PTGER3: variants seen among roughly 807,000 people sequenced by gnomAD.
PTGER3 encodes prostaglandin E receptor 3.
A neutral mutation model predicts 34.7 loss-of-function variants in PTGER3; 22 were observed. That is an observed-to-expected ratio of 0.63 (90% CI 0.45 to 0.91). The LOEUF (loss-of-function observed/expected upper bound fraction) is 0.91. PTGER3 is among the 40% of genes least tolerant of loss of function. The pLI is 0.00. For missense variants in PTGER3, 468 were observed against 519.4 expected (o/e 0.90, Z 0.96); for synonymous variants, 241 against 230.1 (o/e 1.05, Z -0.43).
At chr1:70,892,916 A>G (rs1646649394) in intron 4 of PTGER3, among the ~76,000 whole-genome samples, 1 of 152,096 alleles carries the variant, frequency 6.6e-6, no homozygotes, top group African/African-American at 2.4e-5. Flanking sequence ...TAGCACGTAA[A>G]ATAATACTGC....
intron 2 of PTGER3, among the ~76,000 whole-genome samples, chr1:70,986,648 T>C (rs1654943878): frequency 6.6e-6 from 1 of 152,048 alleles, no homozygotes; most frequent in Non-Finnish European, 1.5e-5. Context: ...ATTCTGGGGA[T>C]TTCAGGGAGG....
At chr1:70,868,012 T>C (rs1013411070) in intron 4 of PTGER3, among the ~76,000 whole-genome samples, 4 of 152,150 alleles carry the variant, frequency 2.6e-5, no homozygotes, top group Non-Finnish European at 5.9e-5. Flanking sequence ...TTAATTTTAT[T>C]TGCTGTTTTG....
intron 4 of PTGER3, among the ~76,000 whole-genome samples, chr1:70,901,888 G>A (rs942976): frequency 0.92 from 140,014 of 152,222 alleles, 64,539 homozygotes; most frequent in East Asian, 1. Flanking sequence ...AGAAAAACCA[G>A]TTTATTAAAC....
chr1:70,915,679 AAAGCT>A (rs1647159472), intron 4 of PTGER3, among the ~76,000 whole-genome samples: 1 of 152,006 alleles, frequency 6.6e-6, no homozygotes, highest in South Asian at 2.1e-4. Context: ...ACCAAAATTT[AAAGCT>A]ATCTCAAAAC....
chr1:70,879,359 G>T (rs533077877), intron 4 of PTGER3, among the ~76,000 whole-genome samples: 6 of 152,238 alleles, frequency 3.9e-5, no homozygotes, highest in Non-Finnish European at 7.4e-5. Flanking sequence ...CTATTCTTGT[G>T]CCTCAGCTTC....
At chr1:71,041,726 T>C (rs1409826259) in intron 1 of PTGER3, among the ~76,000 whole-genome samples, 2 of 152,126 alleles carry the variant, frequency 1.3e-5, no homozygotes, top group East Asian at 1.9e-4. Context: ...AATGGGAGAG[T>C]AAGAATTTGA....
intron 2 of PTGER3, among the ~76,000 whole-genome samples, chr1:70,963,634 G>T (rs12078662): frequency 2.6e-5 from 4 of 152,186 alleles, no homozygotes; most frequent in African/African-American, 9.7e-5. Flanking sequence ...TGGAGCAGCT[G>T]CAGGGTGCCA....
chr1:71,040,672 T>G (rs1351748436), intron 1 of PTGER3, among the ~76,000 whole-genome samples: 1 of 152,038 alleles, frequency 6.6e-6, no homozygotes, highest in African/African-American at 2.4e-5. Flanking sequence ...GGCAAGCAAT[T>G]ATGATAGTTC....
chr1:70,911,150 A>G (rs187942786), intron 4 of PTGER3, among the ~76,000 whole-genome samples: 1 of 151,886 alleles, frequency 6.6e-6, no homozygotes, highest in Admixed American at 6.6e-5. Context: ...TATGGGTGTC[A>G]AATTTATCAT....
chr1:70,858,328 C>G (rs1360647870), intron 4 of PTGER3, among the ~76,000 whole-genome samples: 1 of 151,390 alleles, frequency 6.6e-6, no homozygotes, highest in Non-Finnish European at 1.5e-5. Context: ...AACTTCAGTT[C>G]CTAAATGTAC....
intron 4 of PTGER3, among the ~76,000 whole-genome samples, chr1:70,873,730 C>T (rs1237194651): frequency 6.6e-6 from 1 of 151,688 alleles, no homozygotes; most frequent in South Asian, 2.1e-4. Context: ...TCACTGCAAC[C>T]TCTGCCTCCC....
At chr1:71,042,641 G>A (rs913640833) in intron 1 of PTGER3, among the ~76,000 whole-genome samples, 5 of 152,108 alleles carry the variant, frequency 3.3e-5, no homozygotes, top group Admixed American at 6.5e-5. Flanking sequence ...AGGCAGAAGA[G>A]ATTAGCAATT....
At chr1:71,036,567 A>G (rs6691401) in intron 1 of PTGER3, among the ~76,000 whole-genome samples, 88,434 of 151,886 alleles carry the variant, frequency 0.58, 26,033 homozygotes, top group Non-Finnish European at 0.6. Context: ...GGGGCCCGGC[A>G]CAGTGGCTCA....
intron 4 of PTGER3, among the ~76,000 whole-genome samples, chr1:70,881,478 G>A (rs1041981073): frequency 3.3e-5 from 5 of 152,192 alleles, no homozygotes; most frequent in Admixed American, 3.3e-4. Flanking sequence ...GAGGTAAGAA[G>A]ACATTTTTGC....
chr1:70,909,287 C>A (rs1572619223), intron 4 of PTGER3, among the ~76,000 whole-genome samples: 1 of 152,136 alleles, frequency 6.6e-6, no homozygotes, highest in Non-Finnish European at 1.5e-5. Context: ...TATTTCTGTG[C>A]GTGTTAACCA....
Position 70,872,894 on chromosome 1 carries a change from C to G in PTGER3, c.*24-20035G>C, listed in dbSNP as rs538477789. On this transcript the variant is annotated intron_variant, in intron 4 of 4. Coordinates refer to the PTGER3 transcript ENST00000370931. ...GGGTACCATTAAGAATCTCTCTGTT[C>G]CAGACTGTGTGATCCTTTCCACTAA... 3.9e-4 allele frequency among the ~76,000 whole-genome samples: 60 copies of G among 152,212 alleles called. 1 individual carries two copies. The highest frequency in any genetic ancestry group is 1.4e-3 in the African/African-American group (58 of 41,530).
At chr1:70,969,542 A>G (rs1418616145), downstream of PTGER3, among the ~76,000 whole-genome samples, 1 of 152,190 alleles carries the variant, frequency 6.6e-6, no homozygotes, top group Non-Finnish European at 1.5e-5. Context: ...ATATTCAAGG[A>G]ATAGTACAAT....
intron 2 of PTGER3, among the ~76,000 whole-genome samples, chr1:70,991,047 G>T (rs1053504582): frequency 5.9e-5 from 9 of 151,980 alleles, no homozygotes; most frequent in Admixed American, 5.9e-4. Flanking sequence ...ATTGACCTTG[G>T]GCTTCCATTT....
chr1:70,962,349 CT>C (rs1652017230), intron 2 of PTGER3, among the ~76,000 whole-genome samples: 1 of 152,092 alleles, frequency 6.6e-6, no homozygotes, highest in Admixed American at 6.6e-5. Flanking sequence ...TGTTTGCTAT[CT>C]CAACAGGACT....
Sources: gnomAD v4.1 joint callset for allele counts (sites outside exome capture counted in the v4.1 genomes callset) on GRCh38, gnomAD v4.1.1 for gene constraint, MANE v1.5 for transcripts, NCBI Gene and HGNC (gene_info 2026-07-23, HGNC 2026-07-21) for gene names.